The following STAU2 variants were observed in gnomAD, a reference collection of about 807,000 sequenced individuals.
STAU2 encodes the protein double-stranded RNA-binding protein Staufen homolog 2.
STAU2 carries 20 observed loss-of-function variants against 65.9 expected under a neutral mutation model. The observed-to-expected ratio is 0.30, with a 90% CI of 0.21 to 0.44. The LOEUF is 0.44. Among genes scored for constraint, STAU2 ranks in the 20% least tolerant of loss-of-function variants. STAU2 has a pLI of 1.00. For missense variants in STAU2, 558 were observed against 683.9 expected, an observed-to-expected ratio of 0.82 and a Z score of 2.05; for synonymous variants, 232 against 233.9, an observed-to-expected ratio of 0.99 and a Z score of 0.07.
At chr8:73,477,932 T>G (rs1376851321) in intron 13 of STAU2, among the ~76,000 whole-genome samples, 2 of 152,060 alleles carry the variant, frequency 1.3e-5, no homozygotes, top group Non-Finnish European at 2.9e-5. Context: ...TTTGATAACT[T>G]TATAGAAACA....
intron 6 of STAU2, among the ~76,000 whole-genome samples, chr8:73,663,708 TTAAA>T (rs1232414491): frequency 6.8e-6 from 1 of 148,032 alleles, no homozygotes; most frequent in African/African-American, 2.5e-5. Flanking sequence ...AACTGAAATC[TTAAA>T]TAATAGAGTC....
chr8:73,608,026 G>C lies in STAU2; in HGVS notation c.892-4163C>G, dbSNP rs115152409. Among the ~76,000 whole-genome samples the C allele has an allele frequency of 2.4e-3, 372 of 152,198 alleles. 2 individuals are homozygous for C. The highest frequency in any genetic ancestry group is 8.7e-3 in the African/African-American group (362 of 41,524). On this transcript the variant is annotated intron_variant, in intron 9 of 14. Coordinates refer to ENST00000524300, the MANE Select transcript of STAU2 (RefSeq NM_001164380.2). Reference sequence around the variant, plus strand: ...TTTCATCTTGACAATCTGTAGTTTGGTGCTCCAGGTACAGCATCCAGGCAG... The same window carrying C: ...TTTCATCTTGACAATCTGTAGTTTGCTGCTCCAGGTACAGCATCCAGGCAG...
intron 5 of STAU2, among the ~76,000 whole-genome samples, chr8:73,676,041 T>A (rs1445420232): frequency 7.2e-5 from 11 of 152,052 alleles, no homozygotes; most frequent in Non-Finnish European, 1.5e-5. Context: ...TTCCACAAAT[T>A]GTATATAAAT....
At chr8:73,496,997 A>G (rs1410303994) in intron 13 of STAU2, among the ~76,000 whole-genome samples, 1 of 151,804 alleles carries the variant, frequency 6.6e-6, no homozygotes, top group African/African-American at 2.4e-5. Context: ...CAGTGCAAGT[A>G]TATAAAAATC....
At chr8:73,551,731 C>T in intron 13 of STAU2, 1 of 1,075,606 alleles carries the variant, frequency 9.3e-7, no homozygotes, top group Non-Finnish European at 1.1e-6. Flanking sequence ...CTAATCAAGA[C>T]CAAATAGAAG....
At chr8:73,657,514 C>T (rs1218192478) in intron 6 of STAU2, among the ~76,000 whole-genome samples, 1 of 152,072 alleles carries the variant, frequency 6.6e-6, no homozygotes, top group Non-Finnish European at 1.5e-5. Flanking sequence ...GAATTCATAA[C>T]CTTCAACAGT....
At chr8:73,539,543 T>C (rs1034206297) in intron 13 of STAU2, among the ~76,000 whole-genome samples, 1 of 152,220 alleles carries the variant, frequency 6.6e-6, no homozygotes, top group South Asian at 2.1e-4. Context: ...TATAGGTCAA[T>C]AGAAATTGTA....
chr8:73,658,139 G>A (rs1193984099), intron 6 of STAU2, among the ~76,000 whole-genome samples: 2 of 150,970 alleles, frequency 1.3e-5, no homozygotes, highest in African/African-American at 4.9e-5. Flanking sequence ...TGAGGTGGGC[G>A]AATCACCTGA....
intron 13 of STAU2, among the ~76,000 whole-genome samples, chr8:73,510,206 T>A (rs766214151): frequency 6.6e-6 from 1 of 152,112 alleles, no homozygotes; most frequent in Non-Finnish European, 1.5e-5. Context: ...TAGCTGGGAT[T>A]ACAGGCATGT....
At chr8:73,510,492 T>G (rs1021929956) in intron 13 of STAU2, among the ~76,000 whole-genome samples, 1 of 152,216 alleles carries the variant, frequency 6.6e-6, no homozygotes, top group Non-Finnish European at 1.5e-5. Context: ...CAAGAACTAA[T>G]TTCAAAATAT....
Position 73,685,734 on chromosome 8 carries a change from A to T in STAU2, c.274+2920T>A, listed in dbSNP as rs189169710. On this transcript the variant is annotated intron_variant, in intron 5 of 14. Transcript: ENST00000524300. Reference sequence around the variant, plus strand: ...GTCAACTAGTAAAACCACTATGGAAAACAGTATGGAGATTCCTTAAAGAAC... The same window carrying T: ...GTCAACTAGTAAAACCACTATGGAATACAGTATGGAGATTCCTTAAAGAAC... Among the ~76,000 whole-genome samples the T allele has an allele frequency of 6.6e-4, 100 of 152,314 alleles. 1 individual carries two copies. Among genetic ancestry groups the T allele is most frequent in the African/African-American group, 2.4e-3 (98 of 41,576 alleles).
chr8:73,734,233 G>GTTTTTTTT (rs11370206), intron 3 of STAU2, among the ~76,000 whole-genome samples: 3 of 131,586 alleles, frequency 2.3e-5, no homozygotes, highest in Non-Finnish European at 3.2e-5. Context: ...TTCAGGGTTT[G>GTTTTTTTT]TTTTTTTTTT....
chr8:73,669,177 G>A (rs1262709565), intron 6 of STAU2: 16 of 679,364 alleles, frequency 2.4e-5, no homozygotes, highest in East Asian at 1.9e-4. Context: ...TTAGGTCTGC[G>A]CTTCTGTGAG....
At chr8:73,587,224 T>C (rs1810441594) in intron 11 of STAU2, among the ~76,000 whole-genome samples, 2 of 151,832 alleles carry the variant, frequency 1.3e-5, no homozygotes, top group Admixed American at 1.3e-4. Context: ...AATTACAGCT[T>C]AGAAAAAAAC....
chr8:73,560,852 G>A (rs1436057026), intron 12 of STAU2, among the ~76,000 whole-genome samples: 1 of 152,196 alleles, frequency 6.6e-6, no homozygotes, highest in African/African-American at 2.4e-5. Context: ...CCTTTGGAAA[G>A]CTTGTACCTT....
chr8:73,596,148 G>T (rs1029284049), intron 10 of STAU2, among the ~76,000 whole-genome samples: 3 of 151,572 alleles, frequency 2.0e-5, no homozygotes, highest in African/African-American at 7.3e-5. Context: ...GTCAGATTGG[G>T]ATATGAAACT....
chr8:73,719,781 A>G (rs1214532825), intron 3 of STAU2, among the ~76,000 whole-genome samples: 1 of 152,186 alleles, frequency 6.6e-6, no homozygotes, highest in Non-Finnish European at 1.5e-5. Context: ...ATTTCCTTAA[A>G]ATGTATTTGT....
At chr8:73,538,399 C>G (rs1806319520) in intron 13 of STAU2, among the ~76,000 whole-genome samples, 1 of 151,868 alleles carries the variant, frequency 6.6e-6, no homozygotes, top group Non-Finnish European at 1.5e-5. Flanking sequence ...TAGCCAAGAG[C>G]CTATTAAGAA....
At chr8:73,521,488 A>T (rs1191877126) in intron 13 of STAU2, among the ~76,000 whole-genome samples, 1 of 152,198 alleles carries the variant, frequency 6.6e-6, no homozygotes, top group Non-Finnish European at 1.5e-5. Context: ...CTACATATAG[A>T]TTTGGTTCTT....
Sources: gnomAD v4.1 joint callset for allele counts (sites outside exome capture counted in the v4.1 genomes callset) on GRCh38, gnomAD v4.1.1 for gene constraint, MANE v1.5 for transcripts, NCBI Gene and HGNC (gene_info 2026-07-23, HGNC 2026-07-21) for gene names.